The following TTLL1 variants were observed in gnomAD, a reference collection of about 807,000 sequenced individuals.
The protein encoded by TTLL1 is polyglutamylase complex subunit TTLL1.
Under a neutral mutation model 47.8 loss-of-function variants are expected in TTLL1, and 33 were observed. That is an observed-to-expected ratio of 0.69 (90% CI 0.52 to 0.92). The LOEUF (loss-of-function observed/expected upper bound fraction) is 0.92, where lower values mean the gene tolerates loss of function less well. Ranked by LOEUF, TTLL1 falls within the 40% of genes least tolerant of loss-of-function variation. The pLI is 0.00. For missense variants in TTLL1, 488 were observed against 547.5 expected, an observed-to-expected ratio of 0.89 and a Z score of 1.08; for synonymous variants, 225 against 214.1, an observed-to-expected ratio of 1.05 and a Z score of -0.45.
At position 43,046,550 on chromosome 22, in the gene TTLL1, C is replaced by A. The variant is rs770351561; in HGVS notation, c.1002G>T (p.Thr334=). 4 of 1,613,942 alleles carry A rather than the reference C, an allele frequency of 2.5e-6. No individual in the cohort carries two copies. Among genetic ancestry groups the A allele is most frequent in the Non-Finnish European group, 2.5e-6 (3 of 1,179,996 alleles). Residue 334 remains threonine (T), a synonymous_variant, in exon 10 of 11, where the codon ACG becomes ACT. Transcript: ENST00000266254. The part of the protein sequence containing the change: ...LIEVNASPSL[T]SSTANDRILK... ...GGATTCGGTCATTGGCAGTGCTGGA[C>A]GTGAGAGACGGGGACGCATTCACCT...
chr22:43,045,388 T>C (rs1272427386), intron 10 of TTLL1, among the ~76,000 whole-genome samples: 1 of 152,044 alleles, frequency 6.6e-6, no homozygotes, highest in African/African-American at 2.4e-5. Context: ...TGTAAAGCAC[T>C]CTGCACAGTT....
intron 10 of TTLL1, among the ~76,000 whole-genome samples, chr22:43,044,813 GAGTTTTTCCC>G (rs1925975462): frequency 6.6e-6 from 1 of 151,732 alleles, no homozygotes; most frequent in Admixed American, 6.6e-5. Flanking sequence ...TTTCTGCAGT[GAGTTTTTCCC>G]AGGCAACCTC....
At chr22:43,059,052 T>G (rs1157514066) in intron 8 of TTLL1, among the ~76,000 whole-genome samples, 2 of 149,522 alleles carry the variant, frequency 1.3e-5, no homozygotes, top group African/African-American at 5.0e-5. Context: ...TGCAGTGGTG[T>G]GACCTCCGCT....
intron 9 of TTLL1, 46 bp downstream of exon 9, chr22:43,051,755 G>A (rs2146965507): frequency 5.1e-6 from 8 of 1,579,418 alleles, no homozygotes; most frequent in Non-Finnish European, 6.1e-6. Flanking sequence ...GAAGTGTGTT[G>A]GGGGCTATGT....
chr22:43,073,642 C>T (rs540401095), intron 3 of TTLL1, among the ~76,000 whole-genome samples: 1 of 151,606 alleles, frequency 6.6e-6, no homozygotes, highest in East Asian at 2.0e-4. Flanking sequence ...AGGCATGAGC[C>T]GCTGTGCCCA....
intron 8 of TTLL1, among the ~76,000 whole-genome samples, chr22:43,054,365 A>G (rs985323466): frequency 6.6e-6 from 1 of 152,110 alleles, no homozygotes; most frequent in African/African-American, 2.4e-5. Context: ...ACCACTTTGA[A>G]AGCAGGAAGA....
At position 43,040,735 on chromosome 22, in the gene TTLL1, G is replaced by A. The variant is rs546263204; in HGVS notation, c.1143-830C>T. Among the ~76,000 whole-genome samples the A allele has an allele frequency of 2.6e-5, 4 of 152,280 alleles. No individual in the cohort carries two copies. In the South Asian group the frequency reaches 6.2e-4, roughly 24 times the overall value. Reference sequence around the variant, plus strand: ...GCTGGGATGACAGGCGTGGGCCACCGTGCCTGGCCCCCATTTTCTTTAACT... The same window carrying A: ...GCTGGGATGACAGGCGTGGGCCACCATGCCTGGCCCCCATTTTCTTTAACT... On this transcript the variant is annotated intron_variant, in intron 10 of 10. Coordinates refer to ENST00000266254, the MANE Select transcript of TTLL1 (RefSeq NM_012263.5).
intron 8 of TTLL1, among the ~76,000 whole-genome samples, chr22:43,056,318 C>G (rs1206739044): frequency 6.8e-6 from 1 of 147,882 alleles, no homozygotes; most frequent in Non-Finnish European, 1.5e-5. Context: ...GAGATCGCAT[C>G]ACTGCACTCC....
At chr22:43,048,906 C>T (rs1926370316) in intron 9 of TTLL1, among the ~76,000 whole-genome samples, 1 of 152,018 alleles carries the variant, frequency 6.6e-6, no homozygotes, top group East Asian at 1.9e-4. Flanking sequence ...CACTGCACTC[C>T]AGCCTGGGTG....
At chr22:43,042,348 C>G (rs1384253854) in intron 10 of TTLL1, among the ~76,000 whole-genome samples, 1 of 152,234 alleles carries the variant, frequency 6.6e-6, no homozygotes, top group African/African-American at 2.4e-5. Context: ...CAGGGGTGGT[C>G]TGGCCACCTA....
chr22:43,081,206 G>A (rs1256353001), intron 1 of TTLL1, among the ~76,000 whole-genome samples: 2 of 151,868 alleles, frequency 1.3e-5, no homozygotes, highest in African/African-American at 2.4e-5. Context: ...GTGAGCCACC[G>A]CGCCCGGCTG....
intron 9 of TTLL1, among the ~76,000 whole-genome samples, chr22:43,050,041 G>C (rs984636623): frequency 4.6e-5 from 7 of 151,988 alleles, no homozygotes; most frequent in African/African-American, 1.7e-4. Flanking sequence ...GGGTTGCAGT[G>C]AGCCGAGATT....
Position 43,075,508 on chromosome 22 carries a change from G to A in TTLL1, c.79C>T (p.Gln27Ter), listed in dbSNP as rs751020424. Residue 27 changes from glutamine (Q) to a stop codon, truncating the protein, a stop_gained, in exon 3 of 11, where the codon CAA becomes TAA. Transcript: ENST00000266254. LOFTEE classifies it high-confidence loss of function. Reference protein sequence around the residue: ...INNFEKRGWVQVTENEDWNFY... With the variant: ...INNFEKRGWV ...TTCCAGTCCTCGTTTTCTGTCACTTGGACCCATCCTCTCTTTTCAAAGTTA... is the reference window on the plus strand; with the variant it reads ...TTCCAGTCCTCGTTTTCTGTCACTTAGACCCATCCTCTCTTTTCAAAGTTA... 3 of 1,614,110 alleles carry A rather than the reference G, an allele frequency of 1.9e-6. No homozygotes were observed. The highest frequency in any genetic ancestry group is 2.5e-6 in the Non-Finnish European group (3 of 1,180,006).
intron 9 of TTLL1, 122 bp from the exon 10 acceptor site, chr22:43,046,695 G>A (rs1293780267): frequency 2.5e-6 from 3 of 1,177,394 alleles, no homozygotes; most frequent in Non-Finnish European, 1.2e-6. Context: ...TTGAGACAGA[G>A]TTTCGCTCTT....
intron 10 of TTLL1, among the ~76,000 whole-genome samples, chr22:43,042,322 C>T (rs1348510719): frequency 1.3e-5 from 2 of 152,272 alleles, no homozygotes; most frequent in South Asian, 2.1e-4. Context: ...CAGCTGGCAC[C>T]GGGATGCGCT....
intron 1 of TTLL1, among the ~76,000 whole-genome samples, chr22:43,087,966 G>A (rs917102041): frequency 6.6e-5 from 10 of 151,690 alleles, no homozygotes; most frequent in Non-Finnish European, 1.5e-4. Flanking sequence ...TGGCCAACAT[G>A]GCGAAACCCC....
chr22:43,046,066 C>T lies in TTLL1; in HGVS notation c.1142+344G>A, dbSNP rs191611642. Among the ~76,000 whole-genome samples the T allele has an allele frequency of 3.4e-3, 517 of 152,124 alleles. 1 individual carries two copies. The highest frequency in any genetic ancestry group is 0.012 in the African/African-American group (505 of 41,524). ...TGAAACCCTGTCTATACTAAAAATA[C>T]AAAAATTAGCCAGGAGTGGTAACAC... On this transcript the variant is annotated intron_variant, in intron 10 of 10. Coordinates refer to ENST00000266254, the MANE Select transcript of TTLL1 (RefSeq NM_012263.5).
chr22:43,071,372 C>A (rs1012668104), intron 3 of TTLL1, among the ~76,000 whole-genome samples: 4 of 152,056 alleles, frequency 2.6e-5, no homozygotes, highest in South Asian at 2.1e-4. Context: ...CAGTGGCTCA[C>A]GTCTGTAATC....
chr22:43,065,211 G>A (rs1344625112), intron 5 of TTLL1, among the ~76,000 whole-genome samples: 2 of 152,064 alleles, frequency 1.3e-5, no homozygotes, highest in Non-Finnish European at 2.9e-5. Context: ...TCCCAAAATG[G>A]ACAACACTAA....
Sources: allele counts gnomAD v4.1 joint callset (sites outside exome capture counted in the v4.1 genomes callset), GRCh38; gene constraint gnomAD v4.1.1; transcripts MANE v1.5; gene names NCBI Gene and HGNC (gene_info 2026-07-23, HGNC 2026-07-21).